DDR2: variants seen among roughly 807,000 people sequenced by gnomAD.
The protein encoded by DDR2 is discoidin domain-containing receptor 2.
DDR2 carries 27 observed loss-of-function variants against 94.9 expected under a neutral mutation model. The ratio of observed to expected loss-of-function variants is 0.28; its 90% confidence interval spans 0.21 to 0.39. The LOEUF is 0.39. Among genes scored for constraint, DDR2 ranks in the 10% least tolerant of loss-of-function variants. DDR2 has a pLI of 1.00. For synonymous variants in DDR2, 382 were observed against 377.2 expected, an observed-to-expected ratio of 1.01 and a Z score of -0.15; for missense variants, 783 against 1,076.0, an observed-to-expected ratio of 0.73 and a Z score of 3.81.
At chr1:162,684,552 G>C (rs1050921829) in intron 2 of DDR2, among the ~76,000 whole-genome samples, 1 of 152,068 alleles carries the variant, frequency 6.6e-6, no homozygotes, top group African/African-American at 2.4e-5. Flanking sequence ...TTTAGAGTTT[G>C]CTACTGCTCA....
intron 4 of DDR2, among the ~76,000 whole-genome samples, chr1:162,753,931 A>C (rs79995394): frequency 2.0e-5 from 3 of 152,220 alleles, no homozygotes; most frequent in Non-Finnish European, 2.9e-5. Context: ...GAGTGATGGT[A>C]GGTGGAATTG....
At chr1:162,767,432 T>A in intron 11 of DDR2, 73 bp downstream of exon 11, 1 of 1,586,496 alleles carries the variant, frequency 6.3e-7, no homozygotes. Context: ...GTCCCAGGAG[T>A]AAAAGGCAAA....
rs559686303 is a variant in DDR2 at position 162,710,330 on chromosome 1, C to T, written c.-27-8707C>T. 3.4e-3 allele frequency among the ~76,000 whole-genome samples: 515 copies of T among 152,250 alleles called. 5 individuals carry two copies. The highest frequency in any genetic ancestry group is 3.4e-3 in the Non-Finnish European group (228 of 68,008). On this transcript the variant is annotated intron_variant, in intron 2 of 17. Transcript: ENST00000367921. Reference sequence around the variant, plus strand: ...CACATCCTATGTGCCCAGATACTTACGGAAGGGGTCATTCTGGGCCTTTGG... The same window carrying T: ...CACATCCTATGTGCCCAGATACTTATGGAAGGGGTCATTCTGGGCCTTTGG...
chr1:162,644,390 G>A (rs943858804), intron 1 of DDR2, among the ~76,000 whole-genome samples: 2 of 152,148 alleles, frequency 1.3e-5, no homozygotes, highest in African/African-American at 4.8e-5. Flanking sequence ...ATTGAGGGAA[G>A]TACTACGATG....
In DDR2 at chr1:162,780,465, A is replaced by G. The variant is rs1470760678; in HGVS notation, c.*219A>G. 5.1e-6 allele frequency: 3 copies of G among 592,228 alleles called. No individual in the cohort carries two copies. Among genetic ancestry groups the G allele is most frequent in the South Asian group, 2.3e-5 (1 of 44,148 alleles). The allele number at this position is 592,228 out of a possible 1,614,324, so 36.7% of individuals were successfully genotyped here. On this transcript the variant is annotated 3_prime_UTR_variant, in exon 18 of 18. Transcript: ENST00000367921. ...AAAGAACTAAAAAAGGAAAAAAAAA[A>G]GCCTAGGGCAGATACAATCTAGTAA...
chr1:162,718,420 C>A lies in DDR2; in HGVS notation c.-27-617C>A, dbSNP rs981357527. 2.0e-5 allele frequency among the ~76,000 whole-genome samples: 3 copies of A among 152,116 alleles called. No individual in the cohort carries two copies. In the South Asian group the frequency reaches 6.2e-4, roughly 32 times the overall value. On this transcript the variant is annotated intron_variant, in intron 2 of 17. Transcript: ENST00000367921. The stretch of plus-strand genomic sequence containing the variant: ...ATGGAACATATGTGTGTATACTAAC[C>A]CAGGCATATACACATATCTATAAAT...
intron 2 of DDR2, among the ~76,000 whole-genome samples, chr1:162,709,372 A>G (rs1475305174): frequency 6.6e-6 from 1 of 152,240 alleles, no homozygotes; most frequent in Non-Finnish European, 1.5e-5. Context: ...TAATAGGGAT[A>G]GCGTGATAAG....
chr1:162,705,979 T>A (rs1660644811), intron 2 of DDR2, among the ~76,000 whole-genome samples: 1 of 152,234 alleles, frequency 6.6e-6, no homozygotes, highest in Non-Finnish European at 1.5e-5. Context: ...GATAAAAATT[T>A]CACACATACA....
intron 4 of DDR2, 68 bp from the exon 5 acceptor site, chr1:162,754,556 C>A: frequency 6.6e-7 from 1 of 1,514,842 alleles, no homozygotes; most frequent in Non-Finnish European, 9.2e-7. Context: ...AGCTGCTTGC[C>A]TGTGAACCAG....
intron 3 of DDR2, among the ~76,000 whole-genome samples, chr1:162,740,642 C>T (rs552796466): frequency 1.3e-5 from 2 of 152,286 alleles, no homozygotes; most frequent in South Asian, 4.1e-4. Context: ...CATCTTCTCT[C>T]ACATTATATA....
In DDR2 at chr1:162,780,243, G is replaced by A. The variant is rs1647823679; in HGVS notation, c.2565G>A (p.Glu855=). The part of the protein sequence containing the change: ...IHLLLLQQGD[E] Reference sequence around the variant, plus strand: ...TTCTGCTCCTTCAACAAGGCGACGAGTGATGCTGTCAGTGCCTGGCCATGT... The same window carrying A: ...TTCTGCTCCTTCAACAAGGCGACGAATGATGCTGTCAGTGCCTGGCCATGT... The change falls in exon 18 of 18, where the codon GAG becomes GAA. Residue 855 remains glutamate (E), a synonymous_variant. Coordinates refer to ENST00000367921, the MANE Select transcript of DDR2 (RefSeq NM_006182.4). The A allele has an allele frequency of 6.2e-7, 1 of 1,613,824 alleles. No homozygotes were observed. Among genetic ancestry groups the A allele is most frequent in the Non-Finnish European group, 8.5e-7 (1 of 1,179,862 alleles).
intron 3 of DDR2, among the ~76,000 whole-genome samples, chr1:162,742,011 G>A (rs1243613034): frequency 6.6e-6 from 1 of 152,162 alleles, no homozygotes; most frequent in Admixed American, 6.5e-5. Flanking sequence ...CTGTGTTAGT[G>A]TTTCCTCATC....
In DDR2 at chr1:162,752,946, A is replaced by G. The variant is rs1024702188; in HGVS notation, c.83-149A>G. 11 of 665,746 alleles carry G rather than the reference A, an allele frequency of 1.7e-5. No individual in the cohort carries two copies. In the Middle Eastern group the frequency reaches 1.7e-3, roughly 102 times the overall value. The allele number at this position is 665,746 out of a possible 1,614,324, so 41.2% of individuals were successfully genotyped here. ...CCAGGAAGACAAGTCTGATAGAGTC[A>G]GGGTGATCAAACTGGGGCCATAGAG... On this transcript the variant is annotated intron_variant, in intron 3 of 17. Transcript: ENST00000367921.
intron 2 of DDR2, among the ~76,000 whole-genome samples, chr1:162,691,640 T>C (rs926263696): frequency 5.3e-5 from 8 of 152,220 alleles, no homozygotes; most frequent in African/African-American, 1.9e-4. Flanking sequence ...GGCGGTACCC[T>C]GATTTGTACC....
At chr1:162,677,459 AATCAGTTG>A (rs1248490439) in intron 2 of DDR2, among the ~76,000 whole-genome samples, 1 of 152,194 alleles carries the variant, frequency 6.6e-6, no homozygotes, top group Non-Finnish European at 1.5e-5. Context: ...CTCATGGATA[AATCAGTTG>A]ATCTTCTCAG....
At chr1:162,751,439 A>G (rs1663188536) in intron 3 of DDR2, among the ~76,000 whole-genome samples, 1 of 152,242 alleles carries the variant, frequency 6.6e-6, no homozygotes, top group African/African-American at 2.4e-5. Flanking sequence ...AATCAAAACC[A>G]CAATGAGATA....
intron 2 of DDR2, among the ~76,000 whole-genome samples, chr1:162,685,475 G>A (rs561595434): frequency 6.6e-6 from 1 of 152,262 alleles, no homozygotes; most frequent in African/African-American, 2.4e-5. Flanking sequence ...TAGACTGGGA[G>A]GCACACTGGA....
chr1:162,676,061 G>GT (rs1235373374), intron 2 of DDR2, among the ~76,000 whole-genome samples: 1 of 152,140 alleles, frequency 6.6e-6, no homozygotes, highest in African/African-American at 2.4e-5. Context: ...AAGTTGGAAT[G>GT]TACATGTGCA....
chr1:162,774,497 G>A (rs184614601), intron 14 of DDR2, among the ~76,000 whole-genome samples: 28 of 152,278 alleles, frequency 1.8e-4, no homozygotes, highest in Admixed American at 7.2e-4. Context: ...AGAAAGGTGA[G>A]GAAATGAAAC....
Sources: allele counts gnomAD v4.1 joint callset (sites outside exome capture counted in the v4.1 genomes callset), GRCh38; gene constraint gnomAD v4.1.1; transcripts MANE v1.5; gene names NCBI Gene and HGNC (gene_info 2026-07-23, HGNC 2026-07-21).